Variants in WWOX observed in about 807,000 individuals in gnomAD.
WWOX encodes WW domain-containing oxidoreductase.
In WWOX, 69 loss-of-function variants were observed where a neutral mutation model predicts 46.2. That is an observed-to-expected ratio of 1.49 (90% CI 1.23 to 1.82). The LOEUF is 1.82. Among genes scored for constraint, WWOX ranks in the 40% most tolerant of loss-of-function variants. The pLI, the probability that WWOX is intolerant of heterozygous loss-of-function variation, is 0.00. For missense variants in WWOX, 919 were observed against 542.6 expected, an observed-to-expected ratio of 1.69 and a Z score of -6.89; for synonymous variants, 359 against 202.6, an observed-to-expected ratio of 1.77 and a Z score of -6.56.
At chr16:78,628,162 A>G (rs1274671275) in intron 8 of WWOX, among the ~76,000 whole-genome samples, 1 of 152,158 alleles carries the variant, frequency 6.6e-6, no homozygotes, top group Non-Finnish European at 1.5e-5. Flanking sequence ...TGGGAAAGCA[A>G]AAGCTGGATG....
At chr16:78,718,664 C>T (rs1467616072) in intron 8 of WWOX, among the ~76,000 whole-genome samples, 4 of 152,072 alleles carry the variant, frequency 2.6e-5, no homozygotes, top group African/African-American at 9.7e-5. Context: ...GCTATGATCA[C>T]ACCACAGCAC....
intron 8 of WWOX, among the ~76,000 whole-genome samples, chr16:78,776,718 G>A (rs1003293268): frequency 1.3e-5 from 2 of 152,146 alleles, no homozygotes; most frequent in African/African-American, 4.8e-5. Context: ...GGAAGCCTCA[G>A]AAAACTTACG....
At chr16:78,310,991 G>C (rs184570147) in intron 5 of WWOX, among the ~76,000 whole-genome samples, 6 of 152,332 alleles carry the variant, frequency 3.9e-5, no homozygotes, top group African/African-American at 1.4e-4. Context: ...CCAGCTGCCT[G>C]CGTGGCTTAG....
intron 5 of WWOX, among the ~76,000 whole-genome samples, chr16:78,244,366 A>G (rs2037751877): frequency 8.5e-6 from 1 of 117,166 alleles, no homozygotes; most frequent in Non-Finnish European, 1.7e-5. Context: ...CCTCATTTAA[A>G]CCTCCTTGCA....
chr16:78,841,946 G>C (rs1198380623), intron 8 of WWOX, among the ~76,000 whole-genome samples: 3 of 152,102 alleles, frequency 2.0e-5, no homozygotes, highest in African/African-American at 7.2e-5. Flanking sequence ...GCACTGGACA[G>C]AGCTGGCAGA....
intron 8 of WWOX, among the ~76,000 whole-genome samples, chr16:79,129,603 C>G (rs2049833310): frequency 1.3e-5 from 2 of 151,860 alleles, no homozygotes; most frequent in Non-Finnish European, 2.9e-5. Flanking sequence ...CAGGGACAAG[C>G]AAAGCATACA....
intron 6 of WWOX, among the ~76,000 whole-genome samples, chr16:78,422,680 TATATACACACACACACACAC>T (rs2082963361): frequency 1.3e-5 from 1 of 75,142 alleles, no homozygotes; most frequent in African/African-American, 7.7e-5. Context: ...TATATATATA[TATATACACACACACACACAC>T]ATATATATAT....
chr16:78,800,526 A>G (rs1057432812), intron 8 of WWOX, among the ~76,000 whole-genome samples: 1 of 152,170 alleles, frequency 6.6e-6, no homozygotes, highest in Non-Finnish European at 1.5e-5. Context: ...GGGTAAGCCT[A>G]TATGGTCATA....
At chr16:78,286,817 C>T (rs899251135) in intron 5 of WWOX, among the ~76,000 whole-genome samples, 4 of 152,280 alleles carry the variant, frequency 2.6e-5, no homozygotes, top group East Asian at 1.9e-4. Context: ...TTAAAGCTGT[C>T]TCTACTCTGT....
intron 4 of WWOX, among the ~76,000 whole-genome samples, chr16:78,148,328 T>C (rs2034279826): frequency 6.6e-6 from 1 of 152,146 alleles, no homozygotes; most frequent in Non-Finnish European, 1.5e-5. Flanking sequence ...GTGTGTGTCA[T>C]TGGTTAGTTA....
At chr16:79,172,342 G>A (rs192369025) in intron 8 of WWOX, among the ~76,000 whole-genome samples, 9 of 152,250 alleles carry the variant, frequency 5.9e-5, no homozygotes, top group Non-Finnish European at 8.8e-5. Flanking sequence ...CTTCAGATTT[G>A]GTCAAAGATC....
chr16:78,705,370 G>A (rs534833272), intron 8 of WWOX, among the ~76,000 whole-genome samples: 2 of 152,202 alleles, frequency 1.3e-5, no homozygotes, highest in Admixed American at 1.3e-4. Flanking sequence ...ACATAAGAGA[G>A]TCAAAGGGAC....
At chr16:78,769,372 C>G (rs931429565) in intron 8 of WWOX, among the ~76,000 whole-genome samples, 14 of 152,156 alleles carry the variant, frequency 9.2e-5, no homozygotes, top group African/African-American at 2.6e-4. Context: ...CCTCTCTTCC[C>G]CTCCTTCCTT....
intron 8 of WWOX, among the ~76,000 whole-genome samples, chr16:78,564,577 A>T (rs542188971): frequency 6.6e-6 from 1 of 152,314 alleles, no homozygotes; most frequent in South Asian, 2.1e-4. Flanking sequence ...GAGGTCTCAT[A>T]TCAAGAAAAG....
Position 79,000,036 on chromosome 16 carries a change from G to C in WWOX, c.1057-211572G>C, listed in dbSNP as rs180789031. Among the ~76,000 whole-genome samples the C allele has an allele frequency of 2.0e-5, 3 of 152,134 alleles. 1 individual carries two copies. Among genetic ancestry groups the C allele is most frequent in the Admixed American group, 6.5e-5 (1 of 15,286 alleles). On this transcript the variant is annotated intron_variant, in intron 8 of 8. Coordinates refer to ENST00000566780, the MANE Select transcript of WWOX (RefSeq NM_016373.4). ...GTAAAACGCAGTATCTTCTTCCCCA[G>C]CTGAAATAGCGAAAGGGTCTCTTCA...
chr16:78,138,657 A>G (rs574264248), intron 4 of WWOX, among the ~76,000 whole-genome samples: 1 of 152,346 alleles, frequency 6.6e-6, no homozygotes, highest in Non-Finnish European at 1.5e-5. Flanking sequence ...GTCATAAAAC[A>G]CACTGGGGAC....
intron 5 of WWOX, among the ~76,000 whole-genome samples, chr16:78,211,057 T>G (rs778788871): frequency 6.6e-6 from 1 of 152,206 alleles, no homozygotes; most frequent in Non-Finnish European, 1.5e-5. Flanking sequence ...TTGTGGGCAA[T>G]TTCAGCCTCT....
intron 8 of WWOX, among the ~76,000 whole-genome samples, chr16:78,625,213 G>A (rs539911355): frequency 2.6e-5 from 4 of 152,274 alleles, no homozygotes; most frequent in Admixed American, 1.3e-4. Context: ...GCAGTTCTGC[G>A]TTTAGGCTGG....
At chr16:78,332,276 T>G (rs12051298) in intron 5 of WWOX, among the ~76,000 whole-genome samples, 2 of 152,158 alleles carry the variant, frequency 1.3e-5, no homozygotes, top group Non-Finnish European at 2.9e-5. Context: ...TTAGAATCTC[T>G]GCTTCCGCAT....
Sources: allele counts gnomAD v4.1 joint callset (sites outside exome capture counted in the v4.1 genomes callset), GRCh38; gene constraint gnomAD v4.1.1; transcripts MANE v1.5; gene names NCBI Gene and HGNC (gene_info 2026-07-23, HGNC 2026-07-21).